Variants in FAM13B observed in about 807,000 individuals in gnomAD.
The protein encoded by FAM13B is protein FAM13B.
A neutral mutation model predicts 117.3 loss-of-function variants in FAM13B; 60 were observed. The ratio of observed to expected loss-of-function variants is 0.51; its 90% CI spans 0.42 to 0.63. The LOEUF is 0.63. FAM13B is among the 30% of genes least tolerant of loss of function. FAM13B has a pLI of 0.00. For missense variants in FAM13B, 972 were observed against 1,091.9 expected (o/e 0.89, Z 1.55); for synonymous variants, 332 against 356.1 (o/e 0.93, Z 0.76).
At chr5:138,026,628 CAAAA>C (rs56195021) in intron 1 of FAM13B, among the ~76,000 whole-genome samples, 2 of 29,438 alleles carry the variant, frequency 6.8e-5, no homozygotes, top group Non-Finnish European at 1.2e-4. Context: ...GACCGTGTCT[CAAAA>C]AAAAAAAAAA....
intron 1 of FAM13B, among the ~76,000 whole-genome samples, chr5:138,027,461 T>C (rs573560875): frequency 6.6e-6 from 1 of 152,214 alleles, no homozygotes; most frequent in Non-Finnish European, 1.5e-5. Flanking sequence ...ATGCCTGCTC[T>C]AGACATTCAG....
intron 10 of FAM13B, among the ~76,000 whole-genome samples, chr5:137,984,935 ATT>A (rs1173965913): frequency 1.3e-5 from 2 of 151,526 alleles, no homozygotes; most frequent in East Asian, 3.9e-4. Context: ...CGCCCGGCTA[ATT>A]TTTTTGTATT....
chr5:137,964,296 G>T (rs1470483131), intron 10 of FAM13B, among the ~76,000 whole-genome samples: 1 of 151,888 alleles, frequency 6.6e-6, no homozygotes, highest in Non-Finnish European at 1.5e-5. Flanking sequence ...AATTTTAGTA[G>T]AGATGGGTTT....
intron 10 of FAM13B, among the ~76,000 whole-genome samples, chr5:137,972,139 GC>G (rs1305319842): frequency 6.6e-6 from 1 of 150,826 alleles, no homozygotes; most frequent in Non-Finnish European, 1.5e-5. Flanking sequence ...TGATACCAAA[GC>G]CAGGCAGAGA....
chr5:137,968,376 G>A (rs1432876679), intron 10 of FAM13B, among the ~76,000 whole-genome samples: 1 of 151,092 alleles, frequency 6.6e-6, no homozygotes, highest in Non-Finnish European at 1.5e-5. Context: ...GGGAGGTAGA[G>A]GCTGCAGCAA....
intron 1 of FAM13B, among the ~76,000 whole-genome samples, chr5:138,038,122 G>A (rs1014792794): frequency 2.0e-5 from 3 of 152,134 alleles, no homozygotes; most frequent in African/African-American, 7.2e-5. Context: ...CAGGAATGAG[G>A]CCCAGTGTGA....
chr5:137,981,809 G>A (rs544667253), intron 10 of FAM13B, among the ~76,000 whole-genome samples: 39 of 152,072 alleles, frequency 2.6e-4, no homozygotes, highest in Middle Eastern at 6.8e-3. Flanking sequence ...AAAGTGCGGC[G>A]GAATGCGAAG....
chr5:137,986,439 A>C, intron 9 of FAM13B, among the ~76,000 whole-genome samples: 1 of 144,982 alleles, frequency 6.9e-6, no homozygotes, highest in Non-Finnish European at 1.5e-5. Flanking sequence ...CCCCCCCAAA[A>C]AAAATTGATA....
intron 14 of FAM13B, among the ~76,000 whole-genome samples, chr5:137,956,162 T>C (rs1014096726): frequency 6.6e-6 from 1 of 152,216 alleles, no homozygotes. Context: ...TAGTTTGTTT[T>C]TGAAGCCCAG....
In FAM13B at chr5:137,941,990, T is replaced by C. The variant is rs960458198; in HGVS notation, c.2644A>G (p.Lys882Glu). Reference protein sequence around the residue: ...KARAEKKKLRKTLREFEEAFY... With the variant: ...KARAEKKKLRETLREFEEAFY... ...GCTTCTTCAAATTCCCGCAACGTTT[T>C]GCGTAGTTTCTTTTTTTCAGCTCTG... The change falls in exon 23 of 24, where the codon AAA (lysine) becomes GAA (glutamate). Residue 882 changes from lysine (K) to glutamate (E), a missense_variant. Physicochemically the swap from Lys to Glu is moderately conservative, Grantham distance 56 (BLOSUM62 1). Transcript: ENST00000689681. 9.9e-6 allele frequency: 16 copies of C among 1,614,170 alleles called. No individual in the cohort carries two copies. The highest frequency in any genetic ancestry group is 1.4e-5 in the Non-Finnish European group (16 of 1,180,028).
At chr5:138,018,281 A>G (rs1199183964) in intron 4 of FAM13B, 21 bp downstream of exon 4, 4 of 1,578,800 alleles carry the variant, frequency 2.5e-6, no homozygotes, top group South Asian at 1.1e-5. Flanking sequence ...TGACCAATTG[A>G]TAAGTATCAA....
chr5:138,009,010 G>C (rs1293188667), intron 6 of FAM13B, among the ~76,000 whole-genome samples: 1 of 152,216 alleles, frequency 6.6e-6, no homozygotes, highest in African/African-American at 2.4e-5. Context: ...GGATGTGGTG[G>C]CATGTGCCCG....
intron 1 of FAM13B, among the ~76,000 whole-genome samples, chr5:138,047,062 A>C (rs776101687): frequency 6.6e-6 from 1 of 152,020 alleles, no homozygotes; most frequent in Non-Finnish European, 1.5e-5. Flanking sequence ...TCACTTACTC[A>C]GAAAGCAACT....
At chr5:137,984,766 GT>G (rs368769764) in intron 10 of FAM13B, among the ~76,000 whole-genome samples, 26,226 of 147,864 alleles carry the variant, frequency 0.18, 2,359 homozygotes, top group African/African-American at 0.21. Context: ...AAAATAAGTT[GT>G]TTTTTTTTTT....
intron 10 of FAM13B, among the ~76,000 whole-genome samples, chr5:137,984,964 G>T (rs375396609): frequency 2.2e-4 from 34 of 151,792 alleles, no homozygotes; most frequent in East Asian, 1.4e-3. Context: ...AGAGATGGGG[G>T]TTCACCATGT....
intron 17 of FAM13B, among the ~76,000 whole-genome samples, chr5:137,951,698 C>G (rs1728478835): frequency 6.6e-6 from 1 of 151,904 alleles, no homozygotes; most frequent in African/African-American, 2.4e-5. Flanking sequence ...TTTTATAGGC[C>G]AGGTGCAGTG....
chr5:138,027,491 C>G (rs940424711), intron 1 of FAM13B, among the ~76,000 whole-genome samples: 3 of 152,176 alleles, frequency 2.0e-5, no homozygotes, highest in Non-Finnish European at 4.4e-5. Context: ...AGCTGGGGCT[C>G]CAAATAATTC....
chr5:138,027,390 T>C (rs1380008783), intron 1 of FAM13B, among the ~76,000 whole-genome samples: 1 of 152,200 alleles, frequency 6.6e-6, no homozygotes, highest in Non-Finnish European at 1.5e-5. Context: ...ATTTATAAGT[T>C]TGTAGACTAT....
intron 7 of FAM13B, among the ~76,000 whole-genome samples, chr5:138,002,557 T>C (rs1781517771): frequency 6.6e-6 from 1 of 151,728 alleles, no homozygotes; most frequent in African/African-American, 2.4e-5. Flanking sequence ...AACAAACAGA[T>C]ATCCTTGTTT....
Sources: allele counts gnomAD v4.1 joint callset (sites outside exome capture counted in the v4.1 genomes callset), GRCh38; gene constraint gnomAD v4.1.1; transcripts MANE v1.5; gene names NCBI Gene and HGNC (gene_info 2026-07-23, HGNC 2026-07-21).